The following PRR5L variants were observed in gnomAD, a reference collection of about 807,000 sequenced individuals.
PRR5L encodes the protein proline rich 5 like, also known as proline-rich protein 5-like.
PRR5L carries 21 observed loss-of-function variants against 36.4 expected under a neutral mutation model. The observed-to-expected ratio is 0.58, with a 90% CI of 0.41 to 0.83. PRR5L has a LOEUF of 0.83. PRR5L is among the 40% of genes least tolerant of loss of function. PRR5L has a pLI of 0.00. For synonymous variants in PRR5L, 188 were observed against 197.0 expected (o/e 0.95, Z 0.38); for missense variants, 381 against 473.3 (o/e 0.80, Z 1.81).
chr11:36,433,581 C>T lies in PRR5L; in HGVS notation c.352+1671C>T, dbSNP rs75000992. ...CTTCTTTTTTTGAGACAGAGTCTCA[C>T]TTCTGTGGCCCAGGCTGGAGTACAG... On this transcript the variant is annotated intron_variant, in intron 5 of 8. Coordinates refer to ENST00000530639, the MANE Select transcript of PRR5L (RefSeq NM_001160167.2). 6.1e-3 allele frequency among the ~76,000 whole-genome samples: 926 copies of T among 152,280 alleles called. 10 individuals carry two copies. The highest frequency in any genetic ancestry group is 0.01 in the Middle Eastern group (3 of 294).
chr11:36,351,537 ATATATATTTATATATATT>A (rs1358842948), intron 1 of PRR5L, among the ~76,000 whole-genome samples: 117 of 3,730 alleles, frequency 0.031, 10 homozygotes, highest in East Asian at 0.12. Context: ...ATTTATATAA[ATATATATTTATATATATT>A]TATATATTTA....
rs549576059 is a variant in PRR5L at position 36,460,433 on chromosome 11, C to A, written c.713-1909C>A. 5.3e-5 allele frequency among the ~76,000 whole-genome samples: 8 copies of A among 152,176 alleles called. No homozygotes were observed. In the South Asian group the frequency reaches 1.0e-3, roughly 20 times the overall value. The stretch of plus-strand genomic sequence containing the variant: ...CGTTCCTTTGTTCTGTCCCACAGCT[C>A]CTCCTCCCTGCCCCGCTCCCATGAT... On this transcript the variant is annotated intron_variant, in intron 8 of 8. Transcript: ENST00000530639.
chr11:36,316,843 T>G (rs1009993179), intron 1 of PRR5L, among the ~76,000 whole-genome samples: 4 of 152,194 alleles, frequency 2.6e-5, no homozygotes, highest in Non-Finnish European at 5.9e-5. Context: ...GGGGTCTTTT[T>G]GGGAAAGGGT....
chr11:36,353,816 C>T (rs950818951), intron 1 of PRR5L, among the ~76,000 whole-genome samples: 2 of 152,142 alleles, frequency 1.3e-5, no homozygotes, highest in Non-Finnish European at 2.9e-5. Context: ...GCTCTGTGGC[C>T]CCATTCCTAA....
intron 3 of PRR5L, 84 bp downstream of exon 3, chr11:36,403,462 G>GTTTT: frequency 2.2e-6 from 2 of 916,644 alleles, no homozygotes; most frequent in Non-Finnish European, 3.2e-6. Flanking sequence ...GAGCCTTAAG[G>GTTTT]GTTTTTTTTT....
At chr11:36,330,038 C>T (rs904093576) in intron 1 of PRR5L, among the ~76,000 whole-genome samples, 2 of 152,132 alleles carry the variant, frequency 1.3e-5, no homozygotes, top group East Asian at 1.9e-4. Context: ...CATAATATAA[C>T]CTATGTTTCC....
At position 36,437,376 on chromosome 11, in the gene PRR5L, C is replaced by T. The variant is rs1415174575; in HGVS notation, c.353-9C>T. ...CTTCCTCCCTTCCCATCTTCTCGCC[C>T]TCTTGTAGGTGAAAATCGCATTGAG... On this transcript the variant is annotated splice_polypyrimidine_tract_variant and intron_variant, in intron 5 of 8. Coordinates refer to ENST00000530639, the MANE Select transcript of PRR5L (RefSeq NM_001160167.2). The T allele has an allele frequency of 1.0e-5, 16 of 1,584,218 alleles. No individual in the cohort carries two copies. Among genetic ancestry groups the T allele is most frequent in the Non-Finnish European group, 1.4e-5 (16 of 1,152,898 alleles).
intron 5 of PRR5L, among the ~76,000 whole-genome samples, chr11:36,432,581 T>A (rs1858523457): frequency 6.6e-6 from 1 of 152,212 alleles, no homozygotes; most frequent in African/African-American, 2.4e-5. Context: ...CTTGGGTGAC[T>A]TTTGGTTAGT....
At chr11:36,388,746 T>G (rs957137695) in intron 1 of PRR5L, among the ~76,000 whole-genome samples, 3 of 129,124 alleles carry the variant, frequency 2.3e-5, no homozygotes, top group Non-Finnish European at 3.1e-5. Context: ...TCGCCCAGGC[T>G]GGAATGCAGT....
chr11:36,320,402 C>T (rs528855063), intron 1 of PRR5L, among the ~76,000 whole-genome samples: 12 of 69,136 alleles, frequency 1.7e-4, no homozygotes, highest in South Asian at 1.1e-3. Flanking sequence ...TGCCGCCACA[C>T]GCAGCTAATT....
chr11:36,321,871 C>A (rs1165461367), intron 1 of PRR5L, among the ~76,000 whole-genome samples: 1 of 152,200 alleles, frequency 6.6e-6, no homozygotes, highest in Non-Finnish European at 1.5e-5. Flanking sequence ...TGTGTCTTCA[C>A]GGGGCCTTCC....
intron 1 of PRR5L, among the ~76,000 whole-genome samples, chr11:36,352,973 G>A (rs997092831): frequency 6.6e-6 from 1 of 152,190 alleles, no homozygotes; most frequent in Non-Finnish European, 1.5e-5. Context: ...GAGAAGGATG[G>A]TGTAAAAATA....
chr11:36,351,788 T>C (rs1006867573), intron 1 of PRR5L, among the ~76,000 whole-genome samples: 1 of 134,766 alleles, frequency 7.4e-6, no homozygotes, highest in Non-Finnish European at 1.5e-5. Flanking sequence ...TATATATTTT[T>C]TTTATATATA....
intron 6 of PRR5L, among the ~76,000 whole-genome samples, chr11:36,440,642 A>G (rs977776290): frequency 1.3e-5 from 2 of 152,238 alleles, no homozygotes; most frequent in African/African-American, 4.8e-5. Flanking sequence ...GAGTTAGCTC[A>G]TGACTGACTG....
At chr11:36,434,083 TA>T (rs774181605) in intron 5 of PRR5L, among the ~76,000 whole-genome samples, 3 of 152,234 alleles carry the variant, frequency 2.0e-5, no homozygotes, top group Non-Finnish European at 4.4e-5. Context: ...ACCCTCATCA[TA>T]GATACACTCA....
At chr11:36,370,880 C>CAAAAAA (rs566607958) in intron 1 of PRR5L, among the ~76,000 whole-genome samples, 67,801 of 117,540 alleles carry the variant, frequency 0.58, 20,793 homozygotes, top group Admixed American at 0.65. Context: ...GACTCCATCT[C>CAAAAAA]AAAAAAAAAA....
intron 1 of PRR5L, among the ~76,000 whole-genome samples, chr11:36,382,942 T>C (rs1410068810): frequency 1.3e-5 from 2 of 152,162 alleles, no homozygotes; most frequent in African/African-American, 2.4e-5. Context: ...CAGGAATCTA[T>C]ATTCCTTAAA....
intron 1 of PRR5L, among the ~76,000 whole-genome samples, chr11:36,325,085 G>A (rs1198313402): frequency 6.6e-6 from 1 of 152,162 alleles, no homozygotes; most frequent in Non-Finnish European, 1.5e-5. Context: ...TCTCTGACCT[G>A]GGGTTCTTGG....
At chr11:36,390,179 T>G (rs572509095) in intron 1 of PRR5L, among the ~76,000 whole-genome samples, 1 of 152,190 alleles carries the variant, frequency 6.6e-6, no homozygotes, top group East Asian at 1.9e-4. Context: ...TGGAACCTAA[T>G]CAGGGGTGAG....
Sources: gnomAD v4.1 joint callset for allele counts (sites outside exome capture counted in the v4.1 genomes callset) on GRCh38, gnomAD v4.1.1 for gene constraint, MANE v1.5 for transcripts, NCBI Gene and HGNC (gene_info 2026-07-23, HGNC 2026-07-21) for gene names.